Variants in HDGF observed in about 807,000 individuals in gnomAD.
HDGF encodes the protein hepatoma-derived growth factor.
In HDGF, 5 loss-of-function variants were observed where a neutral mutation model predicts 30.0. The observed-to-expected ratio is 0.17, with a 90% CI of 0.09 to 0.35. HDGF has a LOEUF of 0.35. HDGF is among the 10% of genes least tolerant of loss of function. The pLI is 1.00. For missense variants in HDGF, 214 were observed against 302.8 expected (o/e 0.71, Z 2.18); for synonymous variants, 133 against 112.7 (o/e 1.18, Z -1.14).
intron 1 of HDGF, among the ~76,000 whole-genome samples, chr1:156,764,773 C>T (rs1270393283): frequency 6.6e-6 from 1 of 151,586 alleles, no homozygotes; most frequent in Non-Finnish European, 1.5e-5. Flanking sequence ...GTAATCCCAG[C>T]TACTCGGGAG....
intron 1 of HDGF, among the ~76,000 whole-genome samples, chr1:156,761,482 G>A (rs1169910323): frequency 2.6e-5 from 4 of 151,682 alleles, no homozygotes; most frequent in Non-Finnish European, 5.9e-5. Context: ...GGTGGTGGAC[G>A]CCTGTAATCC....
At chr1:156,744,987 C>T in intron 3 of HDGF, 21 bp downstream of exon 3, 1 of 1,613,636 alleles carries the variant, frequency 6.2e-7, no homozygotes, top group Non-Finnish European at 8.5e-7. Context: ...CAGGGGGTCT[C>T]TGGGGCAGGC....
chr1:156,744,408 C>G, intron 3 of HDGF, 60 bp from the exon 4 acceptor site: 4 of 1,599,468 alleles, frequency 2.5e-6, no homozygotes, highest in Non-Finnish European at 3.4e-6. Context: ...GGCCCCCTCC[C>G]CAGACCCTCC....
upstream of HDGF, chr1:156,752,191 C>G: frequency 6.4e-7 from 1 of 1,551,768 alleles, no homozygotes; most frequent in Admixed American, 2.0e-5. Context: ...CGTGCCGCTC[C>G]GCGCACTGGG....
intron 3 of HDGF, among the ~76,000 whole-genome samples, chr1:156,744,767 C>G (rs1380891453): frequency 2.5e-4 from 38 of 152,044 alleles, no homozygotes; most frequent in Admixed American, 2.5e-3. Flanking sequence ...CCCCACTTAC[C>G]GCCTCCATCC....
At chr1:156,753,830 G>A (rs1163391931), upstream of HDGF, among the ~76,000 whole-genome samples, 1 of 152,150 alleles carries the variant, frequency 6.6e-6, no homozygotes, top group Non-Finnish European at 1.5e-5. Context: ...GGTTACAGGC[G>A]TGAGCCACCG....
intron 1 of HDGF, among the ~76,000 whole-genome samples, chr1:156,748,073 A>G (rs1442841264): frequency 6.6e-6 from 1 of 152,138 alleles, no homozygotes; most frequent in East Asian, 1.9e-4. Context: ...GAGGGAAGAG[A>G]GAGGAAGACA....
rs540212944 is a variant in HDGF, at chr1:156,759,479, C to CTTT, written n.137-263_137-261dup. ...ATGAAGATCCATCTCATACCCCATT[C>CTTT]TTTTTTTTTTTTTTTTTTTTGAGAT... On this transcript the variant is annotated intron_variant and non_coding_transcript_variant, in intron 1 of 7. Coordinates refer to the HDGF transcript ENST00000465180. Among the ~76,000 whole-genome samples, 814 of 124,588 alleles carry CTTT rather than the reference C, an allele frequency of 6.5e-3. 24 individuals carry two copies. Among genetic ancestry groups the CTTT allele is most frequent in the South Asian group, 0.022 (85 of 3,824 alleles). The allele number at this position is 124,588 out of a possible 152,430, so 81.7% of individuals were successfully genotyped here.
chr1:156,743,052 T>G lies in HDGF; in HGVS notation c.*397A>C, dbSNP rs1650240602. 5.8e-6 allele frequency: 1 copy of G among 171,864 alleles called. No homozygotes were observed. 10.6% of individuals were successfully genotyped at this position (171,864 alleles called of 1,614,324 possible). On this transcript the variant is annotated 3_prime_UTR_variant, in exon 6 of 6. Transcript: ENST00000357325. Reference sequence around the variant, plus strand: ...CCACCCTGCTGTTGATGCTCCATCCTTTCCATTCCTACCCCTGATCCCAAC... The same window carrying G: ...CCACCCTGCTGTTGATGCTCCATCCGTTCCATTCCTACCCCTGATCCCAAC...
In HDGF at chr1:156,751,391, C is replaced by T. The variant is rs1650968574; in HGVS notation, c.39G>A (p.Gly13=). The change falls in exon 1 of 6, where the codon GGG becomes GGA. Residue 13 remains glycine, a synonymous_variant. Coordinates refer to ENST00000357325, the MANE Select transcript of HDGF (RefSeq NM_004494.3). This position sits in a 1 kb window ranked among gnomAD's most constrained non-coding sequence, Gnocchi z 4.7. ...RSNRQKEYKC[G]DLVFAKMKGY... ...CCTTCATCTTGGCGAACACCAGGTC[C>T]CCGCATTTGTACTCCTTCTGCCGGT... 1.2e-6 allele frequency: 2 copies of T among 1,609,436 alleles called. No homozygotes were observed. The highest frequency in any genetic ancestry group is 1.3e-5 in the African/African-American group (1 of 74,450).
rs1283716833 is a variant in HDGF, at chr1:156,745,001, G to A, written c.303+7C>T. On this transcript the variant is annotated splice_region_variant and intron_variant, in intron 3 of 5. Transcript: ENST00000357325. The stretch of plus-strand genomic sequence containing the variant: ...CCAGGGGGTCTCTGGGGCAGGCGGT[G>A]GCTCACCTGATAGCCGGAAGCCTTG... The A allele has an allele frequency of 5.6e-6, 9 of 1,613,834 alleles. No homozygotes were observed. The highest frequency in any genetic ancestry group is 7.6e-6 in the Non-Finnish European group (9 of 1,179,926).
At chr1:156,745,756 C>T (rs1428519554) in intron 1 of HDGF, among the ~76,000 whole-genome samples, 3 of 152,206 alleles carry the variant, frequency 2.0e-5, no homozygotes, top group Non-Finnish European at 2.9e-5. Context: ...CTTCAAAACC[C>T]TTCAATACCT....
chr1:156,748,043 C>T (rs2102718208), intron 1 of HDGF, among the ~76,000 whole-genome samples: 1 of 152,242 alleles, frequency 6.6e-6, no homozygotes, highest in African/African-American at 2.4e-5. Context: ...TGACTTCTAG[C>T]TACATAAAGG....
chr1:156,765,468 C>CTT (rs35238313), intron 1 of HDGF, among the ~76,000 whole-genome samples: 4 of 86,366 alleles, frequency 4.6e-5, no homozygotes, highest in East Asian at 3.9e-4. Flanking sequence ...TTCTTTCTTT[C>CTT]TTTCTTTTTT....
At chr1:156,763,259 C>A (rs1009945397) in intron 1 of HDGF, among the ~76,000 whole-genome samples, 1 of 151,640 alleles carries the variant, frequency 6.6e-6, no homozygotes, top group African/African-American at 2.4e-5. Context: ...TGTTGCCAGG[C>A]TGGACTGCAG....
upstream of HDGF, among the ~76,000 whole-genome samples, chr1:156,757,124 T>G (rs914658031): frequency 1.1e-4 from 16 of 151,966 alleles, no homozygotes; most frequent in Non-Finnish European, 1.8e-4. Context: ...GGGAAAATTA[T>G]AAGAGTTATT....
At chr1:156,751,934 C>G, upstream of HDGF, 1 of 1,130,512 alleles carries the variant, frequency 8.8e-7, no homozygotes, top group African/African-American at 1.6e-5. The surrounding 1 kb of genome is among the most constrained non-coding windows in gnomAD (Gnocchi z 4.7). Flanking sequence ...GCCGAGCAGG[C>G]TTTGTGTGCC....
In HDGF at chr1:156,744,285, C is replaced by G. The variant is rs1027685958; in HGVS notation, c.367G>C (p.Gly123Arg). The change falls in exon 4 of 6, where the codon GGT becomes CGT. Residue 123 changes from glycine to arginine, a missense_variant. Transcript: ENST00000357325. ...CCCTCTGCATTCCCCTTCTTATCAC[C>G]GTCACCCTCTGCAGCTTCGGGCTCT... is the stretch of plus-strand genomic sequence containing the variant. Reference protein sequence around the residue: ...EPEPEAAEGDGDKKGNAEGSS... With the variant: ...EPEPEAAEGDRDKKGNAEGSS... The G allele has an allele frequency of 2.1e-5, 34 of 1,614,068 alleles. No homozygotes were observed. The highest frequency in any genetic ancestry group is 2.9e-5 in the Non-Finnish European group (34 of 1,180,026).
intron 1 of HDGF, among the ~76,000 whole-genome samples, chr1:156,750,901 G>A (rs1650922525): frequency 6.6e-6 from 1 of 152,000 alleles, no homozygotes; most frequent in Non-Finnish European, 1.5e-5. Context: ...TTTGAATTAG[G>A]GGCGACAATC....
Sources: gnomAD v4.1 joint callset for allele counts (sites outside exome capture counted in the v4.1 genomes callset) on GRCh38, gnomAD v4.1.1 for gene constraint, Gnocchi (gnomAD v3.1) non-coding constraint, MANE v1.5 for transcripts, NCBI Gene and HGNC (gene_info 2026-07-23, HGNC 2026-07-21) for gene names.